The following SLC25A13 variants were observed in gnomAD, a reference collection of about 807,000 sequenced individuals.
SLC25A13 encodes electrogenic aspartate/glutamate antiporter SLC25A13, mitochondrial.
A neutral mutation model predicts 85.5 loss-of-function variants in SLC25A13; 70 were observed. The ratio of observed to expected loss-of-function variants is 0.82; its 90% CI spans 0.68 to 1.00. The LOEUF is 1.00. Among genes scored for constraint, SLC25A13 ranks in the 50% least tolerant of loss-of-function variants. The probability of loss-of-function intolerance (pLI) is 0.00; values close to 1 mark genes in which losing one functional copy is unlikely to be tolerated. For missense variants in SLC25A13, 765 were observed against 819.8 expected, an observed-to-expected ratio of 0.93 and a Z score of 0.82; for synonymous variants, 259 against 288.7, an observed-to-expected ratio of 0.90 and a Z score of 1.04.
intron 3 of SLC25A13, among the ~76,000 whole-genome samples, chr7:96,247,969 A>C (rs1797268575): frequency 6.6e-6 from 1 of 151,838 alleles, no homozygotes; most frequent in South Asian, 2.1e-4. Flanking sequence ...AAAAAAAAAA[A>C]AAAAAGAAAG....
At chr7:96,235,966 T>C (rs1477600951) in intron 3 of SLC25A13, among the ~76,000 whole-genome samples, 1 of 152,206 alleles carries the variant, frequency 6.6e-6, no homozygotes, top group Non-Finnish European at 1.5e-5. Context: ...ACTTTAATGA[T>C]ACATTGAGAT....
chr7:96,287,405 G>C (rs1798931469), intron 2 of SLC25A13, among the ~76,000 whole-genome samples: 1 of 152,118 alleles, frequency 6.6e-6, no homozygotes, highest in Admixed American at 6.5e-5. Context: ...CCACCCCAAG[G>C]GAAGAGAGTA....
At chr7:96,227,218 T>C (rs969999787) in intron 4 of SLC25A13, among the ~76,000 whole-genome samples, 1 of 152,230 alleles carries the variant, frequency 6.6e-6, no homozygotes, top group Non-Finnish European at 1.5e-5. Flanking sequence ...AACATAGATG[T>C]GTTCCTTTCT....
chr7:96,264,824 C>T (rs538125094), intron 3 of SLC25A13, among the ~76,000 whole-genome samples: 6 of 151,886 alleles, frequency 4.0e-5, no homozygotes, highest in Admixed American at 6.6e-5. Context: ...GCTGGGATTA[C>T]AGGCATGAGC....
At chr7:96,321,920 C>A in intron 1 of SLC25A13, 22 bp downstream of exon 1, 1 of 1,529,590 alleles carries the variant, frequency 6.5e-7, no homozygotes, top group South Asian at 1.2e-5. Flanking sequence ...CGCGCTCCCC[C>A]CGGCCTCGGG....
chr7:96,150,302 A>C (rs1273864362), intron 13 of SLC25A13, among the ~76,000 whole-genome samples: 1 of 152,152 alleles, frequency 6.6e-6, no homozygotes, highest in African/African-American at 2.4e-5. Context: ...CTTTATTCTC[A>C]TTCTCAAGAA....
chr7:96,257,034 C>T (rs1425515630), intron 3 of SLC25A13, among the ~76,000 whole-genome samples: 7 of 152,102 alleles, frequency 4.6e-5, no homozygotes, highest in African/African-American at 7.2e-5. Flanking sequence ...AAAGACACAA[C>T]GTACCAGAAT....
At chr7:96,218,040 G>C (rs1795966076) in intron 4 of SLC25A13, among the ~76,000 whole-genome samples, 2 of 152,006 alleles carry the variant, frequency 1.3e-5, no homozygotes, top group African/African-American at 4.8e-5. Context: ...TTTTTCTGGA[G>C]TTAAGCATGA....
At chr7:96,168,122 AAAAAAAAGC>A (rs1793843013) in intron 13 of SLC25A13, among the ~76,000 whole-genome samples, 1 of 145,296 alleles carries the variant, frequency 6.9e-6, no homozygotes, top group Non-Finnish European at 1.5e-5. Context: ...AAAAAAAAAA[AAAAAAAAGC>A]ACGTGTGCAC....
rs2116815391 is a variant in SLC25A13 at position 96,234,822 on chromosome 7, C to T, written c.308G>A (p.Gly103Asp). The change falls in exon 4 of 18, where the codon GGC becomes GAC. Residue 103 changes from glycine to aspartate, a missense_variant. Transcript: ENST00000265631. ...CTTACCAAAAGTTACTTCTCCTTTG[C>T]CAGCTTTGTCAAACAGCTGAAAGGC... is the stretch of plus-strand genomic sequence containing the variant. ...MVAFQLFDKA[G>D]KGEVTFEDVK... 6.2e-7 allele frequency: 1 copy of T among 1,613,418 alleles called. No individual in the cohort carries two copies. Among genetic ancestry groups the T allele is most frequent in the Non-Finnish European group, 8.5e-7 (1 of 1,179,728 alleles).
intron 3 of SLC25A13, among the ~76,000 whole-genome samples, chr7:96,276,787 T>C (rs1417806414): frequency 1.3e-5 from 2 of 152,320 alleles, no homozygotes; most frequent in African/African-American, 4.8e-5. Flanking sequence ...TGGAATCACC[T>C]GTGAATTTTT....
intron 2 of SLC25A13, among the ~76,000 whole-genome samples, chr7:96,295,638 C>A (rs1158740794): frequency 1.3e-5 from 2 of 152,044 alleles, no homozygotes; most frequent in Admixed American, 6.5e-5. Flanking sequence ...ATCAAATATC[C>A]TGTCCATGTT....
At chr7:96,128,881 TG>T (rs374422455) in intron 15 of SLC25A13, among the ~76,000 whole-genome samples, 4 of 151,928 alleles carry the variant, frequency 2.6e-5, no homozygotes, top group Admixed American at 1.3e-4. Flanking sequence ...TTCACGCCTC[TG>T]CTTCTCTATC....
chr7:96,273,831 C>A (rs1798336371), intron 3 of SLC25A13, among the ~76,000 whole-genome samples: 1 of 152,142 alleles, frequency 6.6e-6, no homozygotes, highest in African/African-American at 2.4e-5. Context: ...CTTGGTCACA[C>A]TTCCTCTGAA....
intron 2 of SLC25A13, among the ~76,000 whole-genome samples, chr7:96,290,553 T>C (rs1047275239): frequency 1.4e-5 from 2 of 139,830 alleles, no homozygotes; most frequent in Admixed American, 7.5e-5. Context: ...GAGACACACA[T>C]AGGCTCAAAA....
chr7:96,176,888 C>T (rs562382552), intron 11 of SLC25A13, among the ~76,000 whole-genome samples: 2 of 152,266 alleles, frequency 1.3e-5, no homozygotes, highest in East Asian at 3.9e-4. Context: ...TGGAGGTGGA[C>T]AGACCTGGGC....
At chr7:96,280,063 G>A (rs528505354) in intron 2 of SLC25A13, among the ~76,000 whole-genome samples, 3 of 152,236 alleles carry the variant, frequency 2.0e-5, no homozygotes, top group Non-Finnish European at 2.9e-5. Flanking sequence ...TGCTGGGATC[G>A]AATGACAGCT....
chr7:96,305,971 G>C (rs145301895), intron 1 of SLC25A13, among the ~76,000 whole-genome samples: 41 of 152,320 alleles, frequency 2.7e-4, no homozygotes, highest in African/African-American at 8.4e-4. Flanking sequence ...ACTTGAGTGA[G>C]CCCTCCTGGG....
At chr7:96,178,768 T>G (rs961683515) in intron 11 of SLC25A13, among the ~76,000 whole-genome samples, 1 of 152,200 alleles carries the variant, frequency 6.6e-6, no homozygotes, top group Non-Finnish European at 1.5e-5. Flanking sequence ...GCTCAAGCAT[T>G]CTTTCCTCCC....
Sources: gnomAD v4.1 joint callset for allele counts (sites outside exome capture counted in the v4.1 genomes callset) on GRCh38, gnomAD v4.1.1 for gene constraint, MANE v1.5 for transcripts, NCBI Gene and HGNC (gene_info 2026-07-23, HGNC 2026-07-21) for gene names.